PHACTR3: variants seen among roughly 807,000 people sequenced by gnomAD.
PHACTR3 encodes the protein protein phosphatase 1, regulatory subunit 123.
A neutral mutation model predicts 66.8 loss-of-function variants in PHACTR3; 16 were observed. That is an observed-to-expected ratio of 0.24 (90% CI 0.16 to 0.36). The LOEUF is 0.36. Among genes scored for constraint, PHACTR3 ranks in the 10% least tolerant of loss-of-function variants. PHACTR3 has a pLI of 1.00. For synonymous variants in PHACTR3, 323 were observed against 292.1 expected (o/e 1.11, Z -1.08); for missense variants, 647 against 719.9 (o/e 0.90, Z 1.16).
intron 1 of PHACTR3, among the ~76,000 whole-genome samples, chr20:59,596,472 GAT>G (rs1409248781): frequency 1.3e-5 from 2 of 152,262 alleles, no homozygotes; most frequent in African/African-American, 4.8e-5. Flanking sequence ...AATGGAATAA[GAT>G]AGAACACAGT....
At chr20:59,693,897 G>A (rs552676756) in intron 1 of PHACTR3, among the ~76,000 whole-genome samples, 67 of 152,248 alleles carry the variant, frequency 4.4e-4, no homozygotes, top group African/African-American at 1.5e-3. Flanking sequence ...GGCTCAAATC[G>A]GGCCCACCAT....
intron 1 of PHACTR3, among the ~76,000 whole-genome samples, chr20:59,624,824 A>G (rs6513447): frequency 0.024 from 3,614 of 152,270 alleles, 141 homozygotes; most frequent in African/African-American, 0.082. Flanking sequence ...CTTTATGTAA[A>G]CCTGCACCCT....
chr20:59,622,643 C>T (rs150994239), intron 1 of PHACTR3, among the ~76,000 whole-genome samples: 3 of 152,172 alleles, frequency 2.0e-5, no homozygotes, highest in Non-Finnish European at 2.9e-5. Flanking sequence ...CCCGGCACCT[C>T]GCTGCACACA....
At chr20:59,764,544 T>G (rs1416544060) in intron 4 of PHACTR3, among the ~76,000 whole-genome samples, 1 of 152,148 alleles carries the variant, frequency 6.6e-6, no homozygotes, top group Non-Finnish European at 1.5e-5. Context: ...TGAGACTCAC[T>G]AAGCAAGGTG....
At chr20:59,605,427 C>A (rs894393400) in intron 1 of PHACTR3, among the ~76,000 whole-genome samples, 4 of 152,222 alleles carry the variant, frequency 2.6e-5, no homozygotes, top group African/African-American at 9.6e-5. Context: ...GGGTGCTGAC[C>A]GGCTGGGGGA....
chr20:59,781,532 G>A (rs1353981863), intron 7 of PHACTR3, among the ~76,000 whole-genome samples: 2 of 152,214 alleles, frequency 1.3e-5, no homozygotes, highest in Admixed American at 1.3e-4. Flanking sequence ...AACGCTCATG[G>A]AGGGCCTGGC....
At chr20:59,810,274 A>T (rs2147013072) in intron 8 of PHACTR3, among the ~76,000 whole-genome samples, 1 of 152,336 alleles carries the variant, frequency 6.6e-6, no homozygotes, top group African/African-American at 2.4e-5. Flanking sequence ...AAGTACCAAA[A>T]ACATGGGCCC....
intron 1 of PHACTR3, among the ~76,000 whole-genome samples, chr20:59,732,709 G>T (rs1416216311): frequency 1.3e-5 from 2 of 152,086 alleles, no homozygotes; most frequent in Non-Finnish European, 2.9e-5. Flanking sequence ...ACAGCTCCAG[G>T]CCATTGTTAA....
chr20:59,584,497 T>A lies in PHACTR3; in HGVS notation c.109+6880T>A, dbSNP rs182869237. Among the ~76,000 whole-genome samples, 6 of 152,202 alleles carry A rather than the reference T, an allele frequency of 3.9e-5. No homozygotes were observed. The East Asian group carries it at 1.2e-3, about 29-fold the overall frequency. ...GTGAGTGTGTATATGAGCAAGTGTG[T>A]GCATGAATATTACATGCATGAGTGT... is the stretch of plus-strand genomic sequence containing the variant. On this transcript the variant is annotated intron_variant, in intron 1 of 12. Transcript: ENST00000359926.
chr20:59,817,910 T>C (rs1272138919), intron 8 of PHACTR3, among the ~76,000 whole-genome samples: 2 of 152,210 alleles, frequency 1.3e-5, no homozygotes, highest in Non-Finnish European at 2.9e-5. Flanking sequence ...TGCACTTGTA[T>C]TGGGAGAAGT....
At chr20:59,580,230 G>C (rs1039002046) in intron 1 of PHACTR3, among the ~76,000 whole-genome samples, 4 of 152,126 alleles carry the variant, frequency 2.6e-5, no homozygotes, top group African/African-American at 9.7e-5. Flanking sequence ...TTTTGGGTTG[G>C]AGCAAGGGTC....
chr20:59,703,235 A>T (rs1394866229), intron 1 of PHACTR3, among the ~76,000 whole-genome samples: 1 of 152,028 alleles, frequency 6.6e-6, no homozygotes, highest in Non-Finnish European at 1.5e-5. Flanking sequence ...ACAGTTAGGG[A>T]TGGTTTAAAG....
intron 1 of PHACTR3, chr20:59,577,709 C>T: frequency 1.1e-6 from 1 of 909,350 alleles, no homozygotes; most frequent in Non-Finnish European, 1.4e-6. Flanking sequence ...TCCTGAATCC[C>T]TTGCCCTTGG....
chr20:59,715,285 TAAAG>T (rs1433759187), intron 1 of PHACTR3, among the ~76,000 whole-genome samples: 6 of 152,192 alleles, frequency 3.9e-5, no homozygotes. Flanking sequence ...CTCATGAAAT[TAAAG>T]AAATTTCCTT....
intron 7 of PHACTR3, among the ~76,000 whole-genome samples, chr20:59,786,727 G>A (rs562055326): frequency 2.0e-4 from 30 of 152,112 alleles, no homozygotes; most frequent in African/African-American, 4.8e-4. Context: ...TGCAGTTGAC[G>A]GGTGTCCATG....
chr20:59,630,477 C>T (rs1295305843), intron 1 of PHACTR3, among the ~76,000 whole-genome samples: 1 of 152,224 alleles, frequency 6.6e-6, no homozygotes, highest in African/African-American at 2.4e-5. Flanking sequence ...GCCACCGTTC[C>T]CAGCCTGTTT....
At chr20:59,841,650 C>T in intron 11 of PHACTR3, 115 bp downstream of exon 11, 5 of 1,068,102 alleles carry the variant, frequency 4.7e-6, no homozygotes, top group South Asian at 2.4e-5. Context: ...TAAGGGTATA[C>T]TGCAGTAAAT....
At position 59,787,330 on chromosome 20, in the gene PHACTR3, G is replaced by A. The variant is rs74756743; in HGVS notation, c.1174+12840G>A. Among the ~76,000 whole-genome samples, 539 of 152,326 alleles carry A rather than the reference G, an allele frequency of 3.5e-3. 3 individuals are homozygous for A. The highest frequency in any genetic ancestry group is 0.012 in the African/African-American group (497 of 41,570). ...TGCACTGGCTTCCGGGGCTGGGCTG[G>A]GGAGGGCACTGAGCTGAGATCCAGA... On this transcript the variant is annotated intron_variant, in intron 7 of 12. Coordinates refer to ENST00000371015, the MANE Select transcript of PHACTR3 (RefSeq NM_080672.5).
intron 7 of PHACTR3, among the ~76,000 whole-genome samples, chr20:59,791,749 A>C (rs2146958136): frequency 1.1e-5 from 1 of 92,746 alleles, no homozygotes; most frequent in Non-Finnish European, 2.0e-5. Context: ...CCCCCACCCC[A>C]CAACAGGCCC....
Sources: gnomAD v4.1 joint callset for allele counts (sites outside exome capture counted in the v4.1 genomes callset) on GRCh38, gnomAD v4.1.1 for gene constraint, MANE v1.5 for transcripts, NCBI Gene and HGNC (gene_info 2026-07-23, HGNC 2026-07-21) for gene names.